MACROD2: variants seen among roughly 807,000 people sequenced by gnomAD.
The protein encoded by MACROD2 is ADP-ribose glycohydrolase MACROD2.
In MACROD2, 36 loss-of-function variants were observed where a neutral mutation model predicts 70.4. The ratio of observed to expected loss-of-function variants is 0.51; its 90% confidence interval spans 0.39 to 0.68. The LOEUF is 0.68. Ranked by LOEUF, MACROD2 falls within the 30% of genes least tolerant of loss-of-function variation. MACROD2 has a pLI of 0.00. For missense variants in MACROD2, 496 were observed against 538.4 expected (o/e 0.92, Z 0.78); for synonymous variants, 172 against 178.8 (o/e 0.96, Z 0.30).
chr20:15,548,529 G>A (rs982414279), intron 8 of MACROD2, among the ~76,000 whole-genome samples: 1 of 152,122 alleles, frequency 6.6e-6, no homozygotes, highest in Non-Finnish European at 1.5e-5. Flanking sequence ...CCGAGTACCT[G>A]GGATTTCAGG....
intron 3 of MACROD2, among the ~76,000 whole-genome samples, chr20:14,245,384 G>T (rs995126059): frequency 2.7e-5 from 4 of 150,442 alleles, no homozygotes; most frequent in Non-Finnish European, 5.9e-5. Context: ...AAAAAAATTC[G>T]TATGCTTTTG....
chr20:14,615,499 G>C (rs1395794472), intron 4 of MACROD2, among the ~76,000 whole-genome samples: 1 of 152,220 alleles, frequency 6.6e-6, no homozygotes, highest in East Asian at 1.9e-4. Context: ...ATTACAATTT[G>C]ATATTTAAGG....
chr20:14,109,737 G>A (rs2148684330), intron 3 of MACROD2, among the ~76,000 whole-genome samples: 1 of 151,926 alleles, frequency 6.6e-6, no homozygotes, highest in South Asian at 2.1e-4. Flanking sequence ...AACACATTAT[G>A]AGATCAAGGC....
chr20:14,867,211 G>T (rs776397391), intron 5 of MACROD2, among the ~76,000 whole-genome samples: 5 of 152,140 alleles, frequency 3.3e-5, no homozygotes, highest in Admixed American at 1.3e-4. Context: ...TTTGTAAATA[G>T]TAGGAATAAG....
intron 3 of MACROD2, among the ~76,000 whole-genome samples, chr20:14,156,103 A>T (rs1436408871): frequency 2.6e-5 from 4 of 152,194 alleles, no homozygotes; most frequent in Non-Finnish European, 5.9e-5. Context: ...CTGAGGCTGC[A>T]GTGATCTGTG....
At chr20:14,778,256 G>A (rs2072257734) in intron 5 of MACROD2, among the ~76,000 whole-genome samples, 1 of 152,062 alleles carries the variant, frequency 6.6e-6, no homozygotes, top group Non-Finnish European at 1.5e-5. Context: ...AACATTATCT[G>A]ATGGACGACA....
At chr20:14,444,883 T>TGGG (rs2084166835) in intron 3 of MACROD2, among the ~76,000 whole-genome samples, 2 of 151,834 alleles carry the variant, frequency 1.3e-5, no homozygotes, top group Non-Finnish European at 2.9e-5. Flanking sequence ...TCCATATATA[T>TGGG]ATGTAGAGAG....
At chr20:15,530,443 A>G (rs1388801204) in intron 8 of MACROD2, among the ~76,000 whole-genome samples, 3 of 152,164 alleles carry the variant, frequency 2.0e-5, no homozygotes, top group African/African-American at 7.2e-5. Context: ...TTTAATTAAG[A>G]TATTATGGGC....
chr20:15,184,926 C>T lies in MACROD2; in HGVS notation c.419-45014C>T, dbSNP rs188624628. 5.9e-5 allele frequency among the ~76,000 whole-genome samples: 9 copies of T among 152,272 alleles called. No homozygotes were observed. The East Asian group carries it at 1.3e-3, about 23-fold the overall frequency. On this transcript the variant is annotated intron_variant, in intron 5 of 17. Coordinates refer to ENST00000684519, the MANE Select transcript of MACROD2 (RefSeq NM_001351661.2). ...ATGATAAGATGACCTCCATATCTTTCGGGAGCTGTTGTTTCAGTAGGGAGG... is the reference window on the plus strand; with the variant it reads ...ATGATAAGATGACCTCCATATCTTTTGGGAGCTGTTGTTTCAGTAGGGAGG...
At chr20:14,194,220 A>G (rs2081411887) in intron 3 of MACROD2, among the ~76,000 whole-genome samples, 1 of 152,192 alleles carries the variant, frequency 6.6e-6, no homozygotes, top group Non-Finnish European at 1.5e-5. Context: ...TAAGTGGCTT[A>G]TGACGGGAAC....
intron 5 of MACROD2, among the ~76,000 whole-genome samples, chr20:14,720,569 T>TTGTGTG (rs1555821251): frequency 2.7e-4 from 23 of 84,158 alleles, no homozygotes; most frequent in Admixed American, 1.2e-4. Flanking sequence ...TTTTTTTTTT[T>TTGTGTG]TGTGAGGCAG....
intron 9 of MACROD2, among the ~76,000 whole-genome samples, chr20:15,874,964 G>A (rs565231788): frequency 6.6e-6 from 1 of 152,212 alleles, no homozygotes; most frequent in South Asian, 2.1e-4. Context: ...AAGAGGGAAG[G>A]CAGAAGGAGC....
At chr20:15,970,530 G>A (rs1234879417) in intron 13 of MACROD2, among the ~76,000 whole-genome samples, 1 of 152,148 alleles carries the variant, frequency 6.6e-6, no homozygotes, top group Non-Finnish European at 1.5e-5. Flanking sequence ...GGTGAGCCCT[G>A]TGATTGCCCA....
At chr20:14,153,458 C>T (rs573706400) in intron 3 of MACROD2, among the ~76,000 whole-genome samples, 6 of 152,266 alleles carry the variant, frequency 3.9e-5, no homozygotes, top group African/African-American at 1.2e-4. Context: ...GTTTTGTGGT[C>T]CTTGGGGCCT....
intron 3 of MACROD2, among the ~76,000 whole-genome samples, chr20:14,204,542 A>G (rs1217765497): frequency 6.6e-6 from 1 of 152,180 alleles, no homozygotes; most frequent in Non-Finnish European, 1.5e-5. Context: ...GGACTCCAGG[A>G]AGCTCCTTAT....
At chr20:14,296,105 G>A (rs1217925177) in intron 3 of MACROD2, among the ~76,000 whole-genome samples, 2 of 151,854 alleles carry the variant, frequency 1.3e-5, no homozygotes, top group Admixed American at 1.3e-4. Flanking sequence ...CCAGGACCAT[G>A]CTTATTGTAG....
At chr20:14,643,608 C>A (rs1037828104) in intron 4 of MACROD2, among the ~76,000 whole-genome samples, 7 of 152,100 alleles carry the variant, frequency 4.6e-5, no homozygotes, top group African/African-American at 1.2e-4. Context: ...TCATACCATT[C>A]ATAATGTACT....
intron 3 of MACROD2, among the ~76,000 whole-genome samples, chr20:14,484,772 C>T (rs75214363): frequency 1.3e-5 from 2 of 152,190 alleles, no homozygotes; most frequent in Admixed American, 1.3e-4. Flanking sequence ...AACAGATTCT[C>T]ATTCTTTATT....
At chr20:15,850,722 G>A (rs935426963) in intron 8 of MACROD2, among the ~76,000 whole-genome samples, 5 of 152,114 alleles carry the variant, frequency 3.3e-5, no homozygotes, top group African/African-American at 4.8e-5. Context: ...GGTTGCCCTC[G>A]GAGCCAGTTT....
Sources: gnomAD v4.1 joint callset for allele counts (sites outside exome capture counted in the v4.1 genomes callset) on GRCh38, gnomAD v4.1.1 for gene constraint, MANE v1.5 for transcripts, NCBI Gene and HGNC (gene_info 2026-07-23, HGNC 2026-07-21) for gene names.